AS3MT: variants seen among roughly 807,000 people sequenced by gnomAD.
The protein encoded by AS3MT is arsenite methyltransferase.
Under a neutral mutation model 45.3 loss-of-function variants are expected in AS3MT, and 47 were observed. The observed-to-expected ratio is 1.04, with a 90% confidence interval of 0.82 to 1.32. AS3MT has a LOEUF of 1.32. Among genes scored for constraint, AS3MT ranks in the 40% most tolerant of loss-of-function variants. The pLI is 0.00. For missense variants in AS3MT, 396 were observed against 451.1 expected (o/e 0.88, Z 1.11); for synonymous variants, 141 against 152.8 (o/e 0.92, Z 0.57).
intron 10 of AS3MT, among the ~76,000 whole-genome samples, chr10:102,897,665 C>G (rs1002492116): frequency 6.6e-6 from 1 of 152,058 alleles, no homozygotes; most frequent in South Asian, 2.1e-4. Flanking sequence ...GGGGTTTCAC[C>G]GGGTTGCCCA....
chr10:102,870,297 C>G, intron 3 of AS3MT, 86 bp downstream of exon 3: 1 of 1,503,772 alleles, frequency 6.6e-7, no homozygotes, highest in Non-Finnish European at 9.2e-7. Flanking sequence ...GGAATTAACC[C>G]GTAGCCACCA....
At chr10:102,892,648 T>C (rs2134129566) in intron 10 of AS3MT, among the ~76,000 whole-genome samples, 1 of 152,238 alleles carries the variant, frequency 6.6e-6, no homozygotes, top group South Asian at 2.1e-4. Flanking sequence ...CTCTGAGTTA[T>C]GAGATTTATG....
At chr10:102,873,574 C>G (rs572875871) in intron 5 of AS3MT, among the ~76,000 whole-genome samples, 1 of 152,308 alleles carries the variant, frequency 6.6e-6, no homozygotes, top group East Asian at 1.9e-4. Flanking sequence ...GTGTGAGGCA[C>G]TGTGCTCAGC....
At chr10:102,884,883 T>A (rs527456632) in intron 9 of AS3MT, among the ~76,000 whole-genome samples, 27 of 152,276 alleles carry the variant, frequency 1.8e-4, no homozygotes, top group African/African-American at 6.3e-4. Context: ...GTACATACTT[T>A]CAGGGCACAT....
At chr10:102,888,929 C>T (rs1293226925) in intron 9 of AS3MT, among the ~76,000 whole-genome samples, 5 of 128,296 alleles carry the variant, frequency 3.9e-5, no homozygotes, top group South Asian at 4.9e-4. Flanking sequence ...CTCGCTCTGT[C>T]GCCCAGGCTA....
At chr10:102,874,516 C>A in intron 5 of AS3MT, 76 bp from the exon 6 acceptor site, 2 of 1,123,556 alleles carry the variant, frequency 1.8e-6, no homozygotes, top group Non-Finnish European at 2.6e-6. Flanking sequence ...TGGGAACCAC[C>A]TTTAGGGTCT....
intron 3 of AS3MT, among the ~76,000 whole-genome samples, chr10:102,871,342 C>A (rs1293674668): frequency 6.6e-6 from 1 of 151,770 alleles, no homozygotes; most frequent in Non-Finnish European, 1.5e-5. Context: ...GCCAGGAGAT[C>A]GAGACCATCC....
chr10:102,887,321 G>T (rs1336536208), intron 9 of AS3MT, among the ~76,000 whole-genome samples: 1 of 152,178 alleles, frequency 6.6e-6, no homozygotes, highest in Non-Finnish European at 1.5e-5. Context: ...AAAATGCTCT[G>T]TGAATGTCAG....
chr10:102,878,516 A>C lies in AS3MT; in HGVS notation c.742+6A>C. On this transcript the variant is annotated splice_donor_region_variant and intron_variant, in intron 8 of 10. Transcript: ENST00000369880. ...GGAACTGGAAAGAGTTATCGGTAAG[A>C]TATGACAGACAGCAGGGACTATTAT... 6.2e-7 allele frequency: 1 copy of C among 1,613,688 alleles called. No homozygotes were observed. Among genetic ancestry groups the C allele is most frequent in the Non-Finnish European group, 8.5e-7 (1 of 1,179,882 alleles).
At chr10:102,882,979 C>G (rs1844888445) in intron 9 of AS3MT, among the ~76,000 whole-genome samples, 1 of 152,064 alleles carries the variant, frequency 6.6e-6, no homozygotes, top group South Asian at 2.1e-4. Context: ...GCTGCCTATT[C>G]CAGTAGATAC....
At chr10:102,888,879 A>ATT (rs1476114789) in intron 9 of AS3MT, among the ~76,000 whole-genome samples, 28 of 45,202 alleles carry the variant, frequency 6.2e-4, no homozygotes, top group Middle Eastern at 0.017. Context: ...ATATATATAT[A>ATT]TATTTTTTTT....
At chr10:102,886,388 G>A (rs1185278117) in intron 9 of AS3MT, among the ~76,000 whole-genome samples, 6 of 146,470 alleles carry the variant, frequency 4.1e-5, no homozygotes, top group Admixed American at 2.1e-4. Flanking sequence ...GCAGTGGCGC[G>A]ATCTCAGCTC....
intron 10 of AS3MT, among the ~76,000 whole-genome samples, chr10:102,896,376 T>A (rs2134133338): frequency 6.6e-6 from 1 of 150,946 alleles, no homozygotes; most frequent in South Asian, 2.1e-4. Flanking sequence ...AGAAATCACT[T>A]TCAAAAATGG....
chr10:102,880,741 C>T (rs997001240), intron 9 of AS3MT, among the ~76,000 whole-genome samples: 40 of 152,118 alleles, frequency 2.6e-4, no homozygotes, highest in Non-Finnish European at 5.4e-4. Flanking sequence ...CAATCAACAA[C>T]ATGCTTCAAA....
chr10:102,882,292 T>G (rs1844877247), intron 9 of AS3MT, among the ~76,000 whole-genome samples: 1 of 152,064 alleles, frequency 6.6e-6, no homozygotes, highest in South Asian at 2.1e-4. Context: ...CCTCAAGCAA[T>G]TCTCCCACCT....
intron 9 of AS3MT, among the ~76,000 whole-genome samples, chr10:102,888,875 ATATATATT>A (rs1274965899): frequency 2.1e-4 from 15 of 70,028 alleles, no homozygotes; most frequent in Middle Eastern, 7.5e-3. Context: ...ATATATATAT[ATATATATT>A]TTTTTTTTTT....
chr10:102,885,893 C>A (rs1165613242), intron 9 of AS3MT, among the ~76,000 whole-genome samples: 1 of 151,042 alleles, frequency 6.6e-6, no homozygotes, highest in East Asian at 2.0e-4. Flanking sequence ...TCTCGAACTC[C>A]TGACCTCAGG....
rs372316717 is a variant in AS3MT, at chr10:102,878,978, A to G, written c.872A>G (p.Asn291Ser). Reference sequence around the variant, plus strand: ...GAAAAAGAACTAATGTTTGATGCCAATTTTACATTTAAGGTAAATAAAACA... The same window carrying G: ...GAAAAAGAACTAATGTTTGATGCCAGTTTTACATTTAAGGTAAATAAAACA... ...GHEKELMFDA[N>S]FTFKEGEIVE... The change falls in exon 9 of 11, where the codon AAT becomes AGT. Residue 291 changes from asparagine (N) to serine (S), a missense_variant. By Grantham distance (46) the Asn-to-Ser change is conservative. Coordinates refer to ENST00000369880, the MANE Select transcript of AS3MT (RefSeq NM_020682.4). 1.8e-5 allele frequency: 29 copies of G among 1,611,652 alleles called. No individual in the cohort carries two copies. The African/African-American group carries it at 3.6e-4, about 20-fold the overall frequency.
Position 102,888,879 on chromosome 10 carries a change from A to ATTTTTTT in AS3MT, c.886-1664_886-1663insTTTTTTT, listed in dbSNP as rs1476114789. 3.5e-3 allele frequency among the ~76,000 whole-genome samples: 159 copies of ATTTTTTT among 45,188 alleles called. 1 individual carries two copies. The highest frequency in any genetic ancestry group is 0.011 in the South Asian group (10 of 918). 29.6% of individuals were successfully genotyped at this position (45,188 alleles called of 152,430 possible). A position where few individuals can be genotyped will look rare whatever the true frequency, so the allele number is the denominator to read the frequency against. ...TATATATATATATATATATATATAT[A>ATTTTTTT]TATTTTTTTTTTTTTTTTTGAGACG... On this transcript the variant is annotated intron_variant, in intron 9 of 10. Transcript: ENST00000369880.
Sources: gnomAD v4.1 joint callset for allele counts (sites outside exome capture counted in the v4.1 genomes callset) on GRCh38, gnomAD v4.1.1 for gene constraint, MANE v1.5 for transcripts, NCBI Gene and HGNC (gene_info 2026-07-23, HGNC 2026-07-21) for gene names.